Variants in ASAP3 observed in about 807,000 individuals in gnomAD.
ASAP3 encodes the protein arf-GAP with SH3 domain, ANK repeat and PH domain-containing protein 3.
In ASAP3, 85 loss-of-function variants were observed where a neutral mutation model predicts 118.2. The observed-to-expected ratio is 0.72, with a 90% confidence interval of 0.60 to 0.86. The LOEUF is 0.86. ASAP3 is among the 40% of genes least tolerant of loss of function. The pLI, the probability that ASAP3 is intolerant of heterozygous loss-of-function variation, is 0.00. For missense variants in ASAP3, 1,026 were observed against 1,175.0 expected (o/e 0.87, Z 1.85); for synonymous variants, 432 against 477.4 (o/e 0.90, Z 1.24).
chr1:23,480,845 G>C (rs1642284341), intron 1 of ASAP3, among the ~76,000 whole-genome samples: 1 of 152,184 alleles, frequency 6.6e-6, no homozygotes, highest in African/African-American at 2.4e-5. Flanking sequence ...GACAGGAAGA[G>C]GCTGGTTGAC....
At chr1:23,439,301 A>T (rs1640784499) in intron 10 of ASAP3, 71 bp from the exon 11 acceptor site, 2 of 1,453,280 alleles carry the variant, frequency 1.4e-6, no homozygotes, top group African/African-American at 2.8e-5. Context: ...AGAGAACAGA[A>T]ATTTGCCCCC....
intron 1 of ASAP3, among the ~76,000 whole-genome samples, chr1:23,457,499 G>GC: frequency 6.6e-6 from 1 of 152,274 alleles, no homozygotes; most frequent in African/African-American, 2.4e-5. Context: ...CTACTCGGGG[G>GC]CTATGTGACC....
At chr1:23,482,926 T>C (rs1642356843) in intron 1 of ASAP3, among the ~76,000 whole-genome samples, 1 of 149,884 alleles carries the variant, frequency 6.7e-6, no homozygotes, top group Non-Finnish European at 1.5e-5. Context: ...CACTCCAGCC[T>C]GGGCGACACA....
At chr1:23,467,447 G>A (rs1641811683) in intron 1 of ASAP3, among the ~76,000 whole-genome samples, 1 of 152,136 alleles carries the variant, frequency 6.6e-6, no homozygotes, top group Admixed American at 6.5e-5. Context: ...AAGATATGAT[G>A]GTAGCCTCTA....
chr1:23,463,399 T>C (rs1030010716), intron 1 of ASAP3, among the ~76,000 whole-genome samples: 4 of 151,584 alleles, frequency 2.6e-5, no homozygotes, highest in Non-Finnish European at 5.9e-5. Context: ...CACACACTCA[T>C]AAAAAAATTT....
intron 1 of ASAP3, among the ~76,000 whole-genome samples, chr1:23,459,714 C>T (rs1483942678): frequency 9.2e-5 from 14 of 152,310 alleles, no homozygotes; most frequent in South Asian, 8.3e-4. Flanking sequence ...TGGCAACTTT[C>T]CAGATGCTAC....
intron 1 of ASAP3, among the ~76,000 whole-genome samples, chr1:23,470,672 T>C (rs1238632744): frequency 6.6e-6 from 1 of 152,204 alleles, no homozygotes; most frequent in African/African-American, 2.4e-5. Context: ...TTTTCCTTCC[T>C]GCACTGCTGG....
rs543492510 is a variant in ASAP3 at position 23,463,301 on chromosome 1, A to C, written c.130-7107T>G. 1.0e-3 allele frequency among the ~76,000 whole-genome samples: 157 copies of C among 152,332 alleles called. 1 individual carries two copies. Among genetic ancestry groups the C allele is most frequent in the African/African-American group, 3.8e-3 (156 of 41,580 alleles). ...AAGAAAATATCTGAAAATCATTTAC[A>C]CTGGTTGATAACACCTATCCTGTGG... On this transcript the variant is annotated intron_variant, in intron 1 of 24. Transcript: ENST00000336689.
intron 1 of ASAP3, among the ~76,000 whole-genome samples, chr1:23,465,859 T>A (rs1423483771): frequency 1.3e-5 from 2 of 152,140 alleles, no homozygotes; most frequent in Non-Finnish European, 2.9e-5. Flanking sequence ...TCTTTCCCCA[T>A]CTCTAAGCTG....
chr1:23,433,035 G>A (rs1353223415), intron 22 of ASAP3, 42 bp downstream of exon 22: 8 of 1,610,186 alleles, frequency 5.0e-6, no homozygotes, highest in Non-Finnish European at 6.8e-6. Flanking sequence ...CAGGTCCTCT[G>A]TGAATGGCAT....
chr1:23,470,688 G>A (rs1210684029), intron 1 of ASAP3, among the ~76,000 whole-genome samples: 1 of 152,168 alleles, frequency 6.6e-6, no homozygotes, highest in Non-Finnish European at 1.5e-5. Context: ...GCTGGGGCCT[G>A]TGACTGGCCG....
Position 23,484,168 on chromosome 1 carries a change from G to C in ASAP3, c.-35C>G. The C allele has an allele frequency of 8.0e-7, 1 of 1,246,138 alleles. No homozygotes were observed. Among genetic ancestry groups the C allele is most frequent in the Non-Finnish European group, 1.0e-6 (1 of 995,468 alleles). The allele number at this position is 1,246,138 out of a possible 1,614,324, so 77.2% of individuals were successfully genotyped here. On this transcript the variant is annotated 5_prime_UTR_variant, in exon 1 of 25. Coordinates refer to ENST00000336689, the MANE Select transcript of ASAP3 (RefSeq NM_017707.4). ...GAGCGTGGAGCTGCCGGAGCGGGGCGCGGGGGGCACTGAGCTGCTCCGCGC... is the reference window on the plus strand; with the variant it reads ...GAGCGTGGAGCTGCCGGAGCGGGGCCCGGGGGGCACTGAGCTGCTCCGCGC...
Position 23,433,269 on chromosome 1 carries a change from A to T in ASAP3, c.2131T>A (p.Cys711Ser), listed in dbSNP as rs2148602538. Residue 711 changes from cysteine to serine, a missense_variant, in exon 22 of 25, where the codon TGC becomes AGC. By Grantham distance (112) the Cys-to-Ser change is moderately radical. Transcript: ENST00000336689. ...DSEEDEEEKR[C>S]LLKLPAQAHW... ...GCCTGGGCCGGGAGCTTCAGCAAGCAGCGCTGCCAGAGCAAAAGATTGAGG... is the reference window on the plus strand; with the variant it reads ...GCCTGGGCCGGGAGCTTCAGCAAGCTGCGCTGCCAGAGCAAAAGATTGAGG... 6.2e-7 allele frequency: 1 copy of T among 1,606,314 alleles called. No homozygotes were observed. Among genetic ancestry groups the T allele is most frequent in the East Asian group, 2.2e-5 (1 of 44,740 alleles).
Position 23,439,127 on chromosome 1 carries a change from G to A in ASAP3, c.1014+34C>T, listed in dbSNP as rs757868691. 40 of 1,608,510 alleles carry A rather than the reference G, an allele frequency of 2.5e-5. No homozygotes were observed. The Admixed American group carries it at 4.5e-4, about 18-fold the overall frequency. On this transcript the variant is annotated intron_variant, in intron 11 of 24. Coordinates refer to ENST00000336689, the MANE Select transcript of ASAP3 (RefSeq NM_017707.4). Reference sequence around the variant, plus strand: ...GAACACCAGAAGAAGAGGGTCCATCGTGCCCTGAGACTCCCACCACCTCTA... The same window carrying A: ...GAACACCAGAAGAAGAGGGTCCATCATGCCCTGAGACTCCCACCACCTCTA...
At chr1:23,440,288 T>A in intron 10 of ASAP3, among the ~76,000 whole-genome samples, 1 of 146,914 alleles carries the variant, frequency 6.8e-6, no homozygotes. Flanking sequence ...GATCACAAGG[T>A]CAGAAGATTG....
intron 1 of ASAP3, among the ~76,000 whole-genome samples, chr1:23,458,867 C>T (rs996788125): frequency 3.3e-5 from 5 of 151,944 alleles, no homozygotes; most frequent in African/African-American, 1.2e-4. Flanking sequence ...AAAGACAATT[C>T]AGGTTAAAGA....
intron 1 of ASAP3, among the ~76,000 whole-genome samples, chr1:23,466,200 G>C (rs961360461): frequency 6.6e-6 from 1 of 152,230 alleles, no homozygotes; most frequent in African/African-American, 2.4e-5. Flanking sequence ...TTCTAAGGAA[G>C]AACAGGCCAC....
chr1:23,432,003 G>GTT, intron 22 of ASAP3, 85 bp from the exon 23 acceptor site: 57 of 671,088 alleles, frequency 8.5e-5, no homozygotes, highest in Non-Finnish European at 1.2e-4. Flanking sequence ...TGGCCTCTAG[G>GTT]ATTTTTTTTT....
At position 23,441,427 on chromosome 1, in the gene ASAP3, C is replaced by G; in HGVS notation, c.794G>C (p.Arg265Pro). Reference sequence around the variant, plus strand: ...CTGCAGTGTCCCTCGGAGGGAGTCCCGGAGCTGGGTCAGCTTCTGTAGCTC... The same window carrying G: ...CTGCAGTGTCCCTCGGAGGGAGTCCGGGAGCTGGGTCAGCTTCTGTAGCTC... Reference protein sequence around the residue: ...EDELQKLTQLRDSLRGTLQLE... With the variant: ...EDELQKLTQLPDSLRGTLQLE... Residue 265 changes from arginine to proline, a missense_variant, in exon 9 of 25, where the codon CGG (arginine) becomes CCG (proline). Arg to Pro is a moderately radical substitution (Grantham distance 103). Transcript: ENST00000336689. 2 of 1,614,112 alleles carry G rather than the reference C, an allele frequency of 1.2e-6. No homozygotes were observed. The highest frequency in any genetic ancestry group is 1.1e-5 in the South Asian group (1 of 91,062).
Sources: allele counts gnomAD v4.1 joint callset (sites outside exome capture counted in the v4.1 genomes callset), GRCh38; gene constraint gnomAD v4.1.1; transcripts MANE v1.5; gene names NCBI Gene and HGNC (gene_info 2026-07-23, HGNC 2026-07-21).